LPAR1: variants seen among roughly 807,000 people sequenced by gnomAD.
The protein encoded by LPAR1 is LPA receptor 1.
Under a neutral mutation model 23.8 loss-of-function variants are expected in LPAR1, and 5 were observed. That is an observed-to-expected ratio of 0.21 (90% CI 0.11 to 0.44). The LOEUF (loss-of-function observed/expected upper bound fraction) is 0.44, where lower values mean the gene tolerates loss of function less well. LPAR1 is among the 20% of genes least tolerant of loss of function. The pLI, the probability that LPAR1 is intolerant of heterozygous loss-of-function variation, is 0.99. For missense variants in LPAR1, 311 were observed against 482.8 expected, an observed-to-expected ratio of 0.64 and a Z score of 3.33; for synonymous variants, 160 against 164.7, an observed-to-expected ratio of 0.97 and a Z score of 0.22.
chr9:110,999,401 C>T (rs1225131411), intron 2 of LPAR1: 1 of 456,020 alleles, frequency 2.2e-6, no homozygotes. Context: ...ACCTCATTTT[C>T]CAGAACACTG....
intron 2 of LPAR1, among the ~76,000 whole-genome samples, chr9:111,013,699 G>C (rs1801572795): frequency 6.6e-6 from 1 of 152,124 alleles, no homozygotes; most frequent in South Asian, 2.1e-4. Context: ...AAAAAAGGGT[G>C]ATCAGGGAGC....
intron 5 of LPAR1, among the ~76,000 whole-genome samples, chr9:110,878,418 A>C (rs990615767): frequency 3.3e-5 from 5 of 152,108 alleles, no homozygotes; most frequent in African/African-American, 1.2e-4. Flanking sequence ...TTCTGAAATA[A>C]ATTTTGCTCA....
At chr9:110,951,325 T>G (rs1311148779) in intron 4 of LPAR1, among the ~76,000 whole-genome samples, 1 of 152,134 alleles carries the variant, frequency 6.6e-6, no homozygotes. Context: ...TTAAGACTTC[T>G]GTGCTGCAAA....
chr9:111,005,703 G>C (rs1186616551), intron 2 of LPAR1, among the ~76,000 whole-genome samples: 5 of 152,052 alleles, frequency 3.3e-5, no homozygotes, highest in African/African-American at 1.2e-4. Context: ...ACTACCTGGA[G>C]TTCCTAGAAA....
chr9:111,019,546 C>T (rs1020485793), intron 2 of LPAR1, among the ~76,000 whole-genome samples: 7 of 152,004 alleles, frequency 4.6e-5, no homozygotes, highest in African/African-American at 1.7e-4. Flanking sequence ...ATTCCCTACC[C>T]AAATTAGTGG....
intron 5 of LPAR1, among the ~76,000 whole-genome samples, chr9:110,876,886 T>A (rs1378807997): frequency 6.6e-6 from 1 of 152,186 alleles, no homozygotes; most frequent in Non-Finnish European, 1.5e-5. Flanking sequence ...TAGCATTAAA[T>A]CCTACCACTG....
At position 110,875,485 on chromosome 9, in the gene LPAR1, G is replaced by A. The variant is rs527765818; in HGVS notation, c.1031C>T (p.Ser344Leu). ...GATGGTGTGGTTGAGGGAGGAAGCCGAGCGGTCTGAGCCTTCTGTGGGGCC... is the reference window on the plus strand; with the variant it reads ...GATGGTGTGGTTGAGGGAGGAAGCCAAGCGGTCTGAGCCTTCTGTGGGGCC... Reference protein sequence around the residue: ...PTGPTEGSDRSASSLNHTILA... With the variant: ...PTGPTEGSDRLASSLNHTILA... Residue 344 changes from serine to leucine, a missense_variant, in exon 6 of 6, where the codon TCG (serine) becomes TTG (leucine). This residue lies in a region of LPAR1 where 250 missense variants were observed against 427.2 expected (regional missense o/e 0.59). Coordinates refer to ENST00000683809, the MANE Select transcript of LPAR1 (RefSeq NM_001351411.2). 29 of 1,614,080 alleles carry A rather than the reference G, an allele frequency of 1.8e-5. No homozygotes were observed. Among genetic ancestry groups the A allele is most frequent in the Non-Finnish European group, 2.3e-5 (27 of 1,179,966 alleles).
intron 4 of LPAR1, among the ~76,000 whole-genome samples, chr9:110,967,219 G>A (rs1378439769): frequency 2.0e-5 from 3 of 152,154 alleles, no homozygotes; most frequent in African/African-American, 7.2e-5. Context: ...CTTTGTAAGA[G>A]CTAGGTGCTC....
intron 5 of LPAR1, among the ~76,000 whole-genome samples, chr9:110,931,782 G>C (rs1031671508): frequency 3.3e-5 from 5 of 151,854 alleles, no homozygotes; most frequent in African/African-American, 4.8e-5. Flanking sequence ...ATAGGGAATT[G>C]TTTCCCCATT....
At chr9:110,932,894 A>T (rs2135764328) in intron 5 of LPAR1, among the ~76,000 whole-genome samples, 1 of 152,330 alleles carries the variant, frequency 6.6e-6, no homozygotes, top group African/African-American at 2.4e-5. Flanking sequence ...GTTGGGGACC[A>T]CTGCCCTAGA....
upstream of LPAR1, chr9:111,038,738 G>C (rs1471693929): frequency 4.6e-6 from 2 of 435,040 alleles, no homozygotes; most frequent in South Asian, 1.6e-5. The surrounding 1 kb of genome is among the most constrained non-coding windows in gnomAD (Gnocchi z 4.4). Context: ...CAGGGCCGGG[G>C]CTGGGGGGTG....
intron 2 of LPAR1, among the ~76,000 whole-genome samples, chr9:111,028,307 T>C (rs537550445): frequency 4.6e-5 from 7 of 152,192 alleles, no homozygotes; most frequent in Non-Finnish European, 8.8e-5. Flanking sequence ...GGTCTTGAAC[T>C]CCTGACCTCA....
At chr9:111,024,154 C>T (rs1257227060) in intron 2 of LPAR1, among the ~76,000 whole-genome samples, 1 of 151,930 alleles carries the variant, frequency 6.6e-6, no homozygotes, top group Non-Finnish European at 1.5e-5. Flanking sequence ...AAGATAGATT[C>T]TCTAACAAAT....
At chr9:110,926,281 C>T (rs1052271737) in intron 5 of LPAR1, among the ~76,000 whole-genome samples, 2 of 152,200 alleles carry the variant, frequency 1.3e-5, no homozygotes, top group Non-Finnish European at 2.9e-5. Context: ...TCAGATTATA[C>T]CATGCTGACT....
intron 4 of LPAR1, among the ~76,000 whole-genome samples, chr9:110,959,762 T>C (rs1206794815): frequency 6.6e-6 from 1 of 152,094 alleles, no homozygotes; most frequent in Admixed American, 6.5e-5. Flanking sequence ...TACCAATTAA[T>C]GAATGGATAA....
At chr9:110,998,525 A>T (rs1427475767) in intron 2 of LPAR1, among the ~76,000 whole-genome samples, 1 of 152,214 alleles carries the variant, frequency 6.6e-6, no homozygotes, top group Non-Finnish European at 1.5e-5. Context: ...AATCCTGGAC[A>T]TTAAAAATAC....
intron 2 of LPAR1, among the ~76,000 whole-genome samples, chr9:111,012,312 T>A (rs1200921835): frequency 2.0e-5 from 3 of 152,160 alleles, no homozygotes; most frequent in Non-Finnish European, 4.4e-5. Context: ...TTATCTGAAT[T>A]GTGAACACTG....
At chr9:111,019,315 G>A (rs1378724337) in intron 2 of LPAR1, among the ~76,000 whole-genome samples, 1 of 151,958 alleles carries the variant, frequency 6.6e-6, no homozygotes, top group Non-Finnish European at 1.5e-5. Context: ...TAATAATAGA[G>A]ATATATTTTA....
intron 2 of LPAR1, among the ~76,000 whole-genome samples, chr9:111,007,148 T>C (rs2097234593): frequency 6.6e-6 from 1 of 152,128 alleles, no homozygotes; most frequent in African/African-American, 2.4e-5. Flanking sequence ...ACTGTAAATT[T>C]TGTGAGGCCT....
Sources: gnomAD v4.1 joint callset for allele counts (sites outside exome capture counted in the v4.1 genomes callset) on GRCh38, gnomAD v4.1.1 for gene constraint, gnomAD v4.1.1 regional missense constraint, Gnocchi (gnomAD v3.1) non-coding constraint, MANE v1.5 for transcripts, NCBI Gene and HGNC (gene_info 2026-07-23, HGNC 2026-07-21) for gene names.